Variants in MNAT1 observed in about 807,000 individuals in gnomAD.
MNAT1 encodes the protein MNAT1 component of CDK activating kinase, also known as CDK-activating kinase assembly factor MAT1.
In MNAT1, 43 loss-of-function variants were observed where a neutral mutation model predicts 42.0. The observed-to-expected ratio is 1.02, with a 90% CI of 0.80 to 1.32. The LOEUF (loss-of-function observed/expected upper bound fraction) is 1.32, where lower values mean the gene tolerates loss of function less well. MNAT1 is among the 40% of genes most tolerant of loss of function. MNAT1 has a pLI of 0.00. For missense variants in MNAT1, 306 were observed against 350.4 expected, an observed-to-expected ratio of 0.87 and a Z score of 1.01; for synonymous variants, 118 against 120.0, an observed-to-expected ratio of 0.98 and a Z score of 0.11.
chr14:60,956,778 G>A (rs1225947579), intron 7 of MNAT1, among the ~76,000 whole-genome samples: 2 of 152,044 alleles, frequency 1.3e-5, no homozygotes, highest in Non-Finnish European at 2.9e-5. Flanking sequence ...GTGATGGTTT[G>A]ACTTAACATC....
At chr14:60,797,823 G>A (rs1297569679) in intron 2 of MNAT1, among the ~76,000 whole-genome samples, 7 of 152,156 alleles carry the variant, frequency 4.6e-5, no homozygotes, top group Non-Finnish European at 7.4e-5. Flanking sequence ...CCAGCTATTC[G>A]GGGGGCTGAG....
intron 1 of MNAT1, among the ~76,000 whole-genome samples, chr14:60,767,611 T>C (rs1361394890): frequency 6.6e-6 from 1 of 152,128 alleles, no homozygotes; most frequent in Non-Finnish European, 1.5e-5. Context: ...TATTTATTTA[T>C]TTATTTTGAG....
intron 7 of MNAT1, among the ~76,000 whole-genome samples, chr14:60,906,333 TC>T (rs2035198658): frequency 5.9e-5 from 9 of 152,238 alleles, no homozygotes; most frequent in Admixed American, 5.2e-4. Context: ...AGATGCGAAG[TC>T]ATAGGAGAAT....
intron 1 of MNAT1, among the ~76,000 whole-genome samples, chr14:60,765,538 A>G (rs964017800): frequency 2.0e-5 from 3 of 152,204 alleles, no homozygotes; most frequent in Admixed American, 1.3e-4. Context: ...AATTAAAAAC[A>G]AAGTTTGGAA....
intron 7 of MNAT1, among the ~76,000 whole-genome samples, chr14:60,881,686 G>C (rs1232765430): frequency 6.6e-6 from 1 of 151,854 alleles, no homozygotes. Flanking sequence ...TATACAGTGG[G>C]CTATGGGAGA....
intron 1 of MNAT1, among the ~76,000 whole-genome samples, chr14:60,735,511 T>C (rs1896279860): frequency 6.6e-6 from 1 of 152,162 alleles, no homozygotes; most frequent in Admixed American, 6.5e-5. Flanking sequence ...TGGCTGGCAT[T>C]TGAGTGCACA....
intron 7 of MNAT1, among the ~76,000 whole-genome samples, chr14:60,882,124 G>A (rs567934436): frequency 5.9e-5 from 9 of 152,310 alleles, no homozygotes. Flanking sequence ...TTGTGCCACT[G>A]CACTCTAGCC....
At chr14:60,766,370 A>T (rs904628380) in intron 1 of MNAT1, among the ~76,000 whole-genome samples, 1 of 151,452 alleles carries the variant, frequency 6.6e-6, no homozygotes, top group Non-Finnish European at 1.5e-5. Context: ...AAAAAAAGAA[A>T]TACAAATTAC....
chr14:60,824,403 T>C (rs2032992563), intron 6 of MNAT1, among the ~76,000 whole-genome samples: 1 of 152,204 alleles, frequency 6.6e-6, no homozygotes, highest in Non-Finnish European at 1.5e-5. Context: ...TAGTTTTATA[T>C]GATTGTGGCT....
At chr14:60,873,464 C>G (rs1304759073) in intron 6 of MNAT1, among the ~76,000 whole-genome samples, 1 of 151,810 alleles carries the variant, frequency 6.6e-6, no homozygotes, top group African/African-American at 2.4e-5. Context: ...TGCAGATTTA[C>G]TTTATTTTAT....
At chr14:60,764,855 G>A (rs1418096922) in intron 1 of MNAT1, among the ~76,000 whole-genome samples, 2 of 152,158 alleles carry the variant, frequency 1.3e-5, no homozygotes, top group African/African-American at 4.8e-5. Flanking sequence ...CTGTAATTAG[G>A]AGAAAAAGGA....
chr14:60,749,986 C>G (rs1468338169), intron 1 of MNAT1, among the ~76,000 whole-genome samples: 2 of 152,126 alleles, frequency 1.3e-5, no homozygotes, highest in African/African-American at 4.8e-5. Flanking sequence ...CCAAAACTTA[C>G]CTCATCCTAA....
intron 3 of MNAT1, among the ~76,000 whole-genome samples, chr14:60,807,671 TA>T (rs4151216): frequency 5.5e-4 from 84 of 152,302 alleles, no homozygotes; most frequent in East Asian, 5.0e-3. Context: ...GTTGGAATTA[TA>T]AAAAGAGAGT....
chr14:60,869,899 TA>T lies in MNAT1; in HGVS notation c.688-9813del, dbSNP rs372508743. Among the ~76,000 whole-genome samples the T allele has an allele frequency of 2.0e-5, 3 of 152,272 alleles. No homozygotes were observed. In the East Asian group the frequency reaches 5.8e-4, roughly 29 times the overall value. On this transcript the variant is annotated intron_variant, in intron 6 of 7. Transcript: ENST00000261245. ...TTTTAACATAGTATGTGTTTAGAGT[TA>T]ACACAAAAGATACTCTGCTCTTTAT...
At chr14:60,918,758 T>TATATATATATATATATATATATATATATA (rs371722863) in intron 7 of MNAT1, among the ~76,000 whole-genome samples, 1 of 142,386 alleles carries the variant, frequency 7.0e-6, no homozygotes, top group African/African-American at 2.6e-5. Context: ...ATATATATAT[T>TATATATATATATATATATATATATATATA]TTTGTCCTTA....
At chr14:60,863,475 G>A (rs577949474) in intron 6 of MNAT1, among the ~76,000 whole-genome samples, 2 of 152,216 alleles carry the variant, frequency 1.3e-5, no homozygotes, top group African/African-American at 4.8e-5. Context: ...ACAACTGACG[G>A]AATGTTAGTA....
chr14:60,797,807 A>G (rs2032067159), intron 2 of MNAT1, among the ~76,000 whole-genome samples: 1 of 152,080 alleles, frequency 6.6e-6, no homozygotes, highest in Admixed American at 6.6e-5. Flanking sequence ...TGCGCCTGTA[A>G]TAATCCCAGC....
chr14:60,827,117 G>T (rs1169237496), intron 6 of MNAT1, among the ~76,000 whole-genome samples: 1 of 152,068 alleles, frequency 6.6e-6, no homozygotes, highest in Non-Finnish European at 1.5e-5. Context: ...TATGTCAAAA[G>T]ATAATTGTTT....
intron 7 of MNAT1, among the ~76,000 whole-genome samples, chr14:60,893,830 GC>G (rs1380776336): frequency 6.6e-6 from 1 of 152,060 alleles, no homozygotes; most frequent in Non-Finnish European, 1.5e-5. Context: ...GATTGCCCTT[GC>G]TTTTTACTTA....
Sources: gnomAD v4.1 joint callset for allele counts (sites outside exome capture counted in the v4.1 genomes callset) on GRCh38, gnomAD v4.1.1 for gene constraint, MANE v1.5 for transcripts, NCBI Gene and HGNC (gene_info 2026-07-23, HGNC 2026-07-21) for gene names.